RANBP17: variants seen among roughly 807,000 people sequenced by gnomAD.
RANBP17 encodes the protein RAN binding protein 17, also known as ran-binding protein 17.
RANBP17 carries 158 observed loss-of-function variants against 141.2 expected under a neutral mutation model. That is an observed-to-expected ratio of 1.12 (90% CI 0.98 to 1.28). The LOEUF is 1.28. Among genes scored for constraint, RANBP17 ranks in the 50% most tolerant of loss-of-function variants. The pLI is 0.00. For missense variants in RANBP17, 1,438 were observed against 1,290.7 expected, an observed-to-expected ratio of 1.11 and a Z score of -1.75; for synonymous variants, 430 against 450.0, an observed-to-expected ratio of 0.96 and a Z score of 0.56.
At chr5:171,153,266 T>G (rs1418912454) in intron 14 of RANBP17, among the ~76,000 whole-genome samples, 1 of 152,192 alleles carries the variant, frequency 6.6e-6, no homozygotes, top group Non-Finnish European at 1.5e-5. Flanking sequence ...TAAGAAACAG[T>G]GGGTTGGAAC....
At chr5:171,037,061 G>A (rs62392970) in intron 14 of RANBP17, among the ~76,000 whole-genome samples, 1,854 of 152,156 alleles carry the variant, frequency 0.012, 22 homozygotes, top group Non-Finnish European at 0.016. Context: ...CCCCAACAGT[G>A]TATAAGCGTT....
intron 7 of RANBP17, among the ~76,000 whole-genome samples, chr5:170,912,839 A>G (rs1335137051): frequency 6.6e-6 from 1 of 151,972 alleles, no homozygotes; most frequent in African/African-American, 2.4e-5. Context: ...AAGGGTATGC[A>G]TTTTTGGATT....
intron 3 of RANBP17, among the ~76,000 whole-genome samples, chr5:170,885,661 T>A (rs189656434): frequency 6.6e-6 from 1 of 152,350 alleles, no homozygotes; most frequent in East Asian, 1.9e-4. Flanking sequence ...GTTTTGTGAA[T>A]TTATTGCACT....
chr5:171,092,050 T>C (rs1786331171), intron 14 of RANBP17, among the ~76,000 whole-genome samples: 1 of 152,192 alleles, frequency 6.6e-6, no homozygotes, highest in Non-Finnish European at 1.5e-5. Context: ...AACTGTACTA[T>C]AGGTTTTTAT....
At chr5:171,272,713 G>A (rs1767201252) in intron 25 of RANBP17, among the ~76,000 whole-genome samples, 1 of 152,174 alleles carries the variant, frequency 6.6e-6, no homozygotes, top group Non-Finnish European at 1.5e-5. Context: ...CTTCCAGTAA[G>A]TCCCACTGGG....
chr5:170,934,975 C>G (rs561091993), intron 12 of RANBP17, among the ~76,000 whole-genome samples: 1 of 152,126 alleles, frequency 6.6e-6, no homozygotes, highest in Non-Finnish European at 1.5e-5. Flanking sequence ...TTCATGTAGT[C>G]CCATATTTCT....
At chr5:171,070,265 A>G (rs1784558022) in intron 14 of RANBP17, among the ~76,000 whole-genome samples, 2 of 152,170 alleles carry the variant, frequency 1.3e-5, no homozygotes, top group Non-Finnish European at 2.9e-5. Flanking sequence ...GAGATCCAAC[A>G]AAATTAATTA....
chr5:170,991,511 A>G (rs1468356266), intron 14 of RANBP17, among the ~76,000 whole-genome samples: 5 of 152,066 alleles, frequency 3.3e-5, no homozygotes, highest in Admixed American at 1.3e-4. Flanking sequence ...TCTTTCCTCA[A>G]ATAAGGTAGT....
chr5:171,061,580 A>G (rs1440279184), intron 14 of RANBP17, among the ~76,000 whole-genome samples: 4 of 152,262 alleles, frequency 2.6e-5, no homozygotes, highest in South Asian at 2.1e-4. Context: ...CTTTACTTCC[A>G]ACTATGTGGT....
intron 14 of RANBP17, among the ~76,000 whole-genome samples, chr5:170,974,959 G>T (rs540996207): frequency 6.6e-6 from 1 of 151,918 alleles, no homozygotes; most frequent in Admixed American, 6.5e-5. Context: ...AGGCCCTTGC[G>T]CTCTGGGCCT....
rs373940380 is a variant in RANBP17, at chr5:171,288,292, C to G, written c.2944-5591C>G. On this transcript the variant is annotated intron_variant, in intron 25 of 27. Coordinates refer to ENST00000523189, the MANE Select transcript of RANBP17 (RefSeq NM_022897.5). ...CAAGAATTTCAGTGGTGGCCTCACT[C>G]ATCAGTAGGCGCCAAGGGTGTCTGA... 1.3e-3 allele frequency among the ~76,000 whole-genome samples: 200 copies of G among 152,288 alleles called. 9 individuals carry two copies. In the South Asian group the frequency reaches 0.04, roughly 30 times the overall value.
intron 19 of RANBP17, among the ~76,000 whole-genome samples, chr5:171,202,350 G>A (rs984089435): frequency 2.0e-5 from 3 of 152,014 alleles, no homozygotes; most frequent in African/African-American, 7.3e-5. Context: ...CCCCTGACTC[G>A]TGCATCGTTT....
At chr5:171,075,991 C>G (rs1425001570) in intron 14 of RANBP17, among the ~76,000 whole-genome samples, 3 of 151,794 alleles carry the variant, frequency 2.0e-5, no homozygotes, top group Non-Finnish European at 4.4e-5. Flanking sequence ...TAAATGGGGA[C>G]TTATATGGTA....
At chr5:171,252,439 A>G (rs915806792) in intron 24 of RANBP17, 1 of 1,504,812 alleles carries the variant, frequency 6.6e-7, no homozygotes, top group South Asian at 1.1e-5. Context: ...GGAACAAAAT[A>G]CATCAATTAC....
intron 14 of RANBP17, among the ~76,000 whole-genome samples, chr5:171,081,972 C>CT (rs767063424): frequency 2.0e-5 from 3 of 152,122 alleles, no homozygotes; most frequent in Non-Finnish European, 4.4e-5. Flanking sequence ...CCTTCTAACT[C>CT]TAAAATTGTG....
chr5:171,069,159 A>G (rs142756924), intron 14 of RANBP17, among the ~76,000 whole-genome samples: 2,131 of 152,278 alleles, frequency 0.014, 26 homozygotes, highest in Admixed American at 0.023. Context: ...CAGGAAATCT[A>G]CTTCTACTTG....
At chr5:170,873,837 A>G (rs970649782) in intron 1 of RANBP17, among the ~76,000 whole-genome samples, 15 of 150,818 alleles carry the variant, frequency 9.9e-5, no homozygotes, top group East Asian at 3.9e-4. Context: ...TCGTGTCTCT[A>G]TCTCCTTCAG....
At chr5:171,228,908 A>G (rs547074670) in intron 22 of RANBP17, among the ~76,000 whole-genome samples, 165 of 152,316 alleles carry the variant, frequency 1.1e-3, no homozygotes, top group Middle Eastern at 3.4e-3. Flanking sequence ...TACAGTGTAA[A>G]CTTTTATATG....
intron 1 of RANBP17, among the ~76,000 whole-genome samples, chr5:170,872,777 C>T (rs2127328871): frequency 6.6e-6 from 1 of 152,264 alleles, no homozygotes; most frequent in South Asian, 2.1e-4. Flanking sequence ...CTGCATCATT[C>T]TATTGAGATA....
Sources: allele counts gnomAD v4.1 joint callset (sites outside exome capture counted in the v4.1 genomes callset), GRCh38; gene constraint gnomAD v4.1.1; transcripts MANE v1.5; gene names NCBI Gene and HGNC (gene_info 2026-07-23, HGNC 2026-07-21).